UBA2: variants seen among roughly 807,000 people sequenced by gnomAD.
UBA2 encodes the protein SUMO-activating enzyme subunit 2.
In UBA2, 11 loss-of-function variants were observed where a neutral mutation model predicts 77.2. That is an observed-to-expected ratio of 0.14 (90% CI 0.09 to 0.24). The LOEUF is 0.24. UBA2 is among the 10% of genes least tolerant of loss of function. The probability of loss-of-function intolerance (pLI) is 1.00; values close to 1 mark genes in which losing one functional copy is unlikely to be tolerated. For missense variants in UBA2, 487 were observed against 781.7 expected, an observed-to-expected ratio of 0.62 and a Z score of 4.50; for synonymous variants, 278 against 276.7, an observed-to-expected ratio of 1.00 and a Z score of -0.05.
At chr19:34,438,540 C>T (rs1013476907) in intron 5 of UBA2, 105 bp from the exon 6 acceptor site, 22 of 1,388,696 alleles carry the variant, frequency 1.6e-5, no homozygotes, top group African/African-American at 5.8e-5. Context: ...TCCTTGACAA[C>T]GTAAAACGTA....
At chr19:34,429,332 T>C in intron 1 of UBA2, 2 of 830,522 alleles carry the variant, frequency 2.4e-6, no homozygotes, top group Non-Finnish European at 2.9e-6. Context: ...GCAAACTTTT[T>C]AGAGATTGGA....
chr19:34,440,594 C>T (rs973144099), intron 6 of UBA2, among the ~76,000 whole-genome samples: 9 of 152,274 alleles, frequency 5.9e-5, no homozygotes, highest in Non-Finnish European at 1.3e-4. Flanking sequence ...TAGTCAGTCT[C>T]ACACCTAAAT....
intron 10 of UBA2, among the ~76,000 whole-genome samples, chr19:34,452,474 G>A (rs2075512236): frequency 6.6e-6 from 1 of 152,174 alleles, no homozygotes; most frequent in Admixed American, 6.5e-5. Flanking sequence ...AAATCATTTG[G>A]AGAAAACATC....
At chr19:34,432,959 C>A (rs2145490682) in intron 3 of UBA2, among the ~76,000 whole-genome samples, 1 of 152,248 alleles carries the variant, frequency 6.6e-6, no homozygotes. Context: ...AAACAGAGAC[C>A]CTAGGGGCCT....
intron 4 of UBA2, 40 bp downstream of exon 4, chr19:34,433,452 T>C: frequency 1.6e-6 from 2 of 1,275,990 alleles, no homozygotes; most frequent in Non-Finnish European, 2.3e-6. Context: ...CAGTATTTCC[T>C]CTCTCCCATA....
intron 12 of UBA2, among the ~76,000 whole-genome samples, chr19:34,457,180 ATATATATATATATATATAT>A (rs1165638729): frequency 7.5e-5 from 3 of 39,968 alleles, no homozygotes; most frequent in African/African-American, 4.3e-4. Context: ...AAAAAAAAAA[ATATATATATATATATATAT>A]ATATATATAT....
rs2075507285 is a variant in UBA2, at chr19:34,452,108, A to G, written c.999A>G (p.Leu333=). ...GCATCGAGACTTTGAGAGTTCATTT[A>G]GCAGAAAAGGGGGATGGAGCTGAGC... The part of the protein sequence containing the change: ...SKSIETLRVH[L]AEKGDGAELI... Residue 333 remains leucine (L), a synonymous_variant, in exon 10 of 17, where the codon TTA becomes TTG. Coordinates refer to ENST00000246548, the MANE Select transcript of UBA2 (RefSeq NM_005499.3). 2 of 1,609,512 alleles carry G rather than the reference A, an allele frequency of 1.2e-6. No homozygotes were observed. The highest frequency in any genetic ancestry group is 1.7e-6 in the Non-Finnish European group (2 of 1,176,776).
At chr19:34,444,656 A>G (rs901325977) in intron 7 of UBA2, among the ~76,000 whole-genome samples, 6 of 152,130 alleles carry the variant, frequency 3.9e-5, no homozygotes, top group African/African-American at 1.4e-4. Context: ...AAAATATAAA[A>G]ATTAGCCAGG....
chr19:34,454,393 A>G lies in UBA2; in HGVS notation c.1132+40A>G, dbSNP rs772776689. On this transcript the variant is annotated intron_variant, in intron 11 of 16. Coordinates refer to ENST00000246548, the MANE Select transcript of UBA2 (RefSeq NM_005499.3). Reference sequence around the variant, plus strand: ...CTAAAGTTGTATCACTAAAACCTTGAAGTTGTTTTTTAAACAGTGAAACAT... The same window carrying G: ...CTAAAGTTGTATCACTAAAACCTTGGAGTTGTTTTTTAAACAGTGAAACAT... The G allele has an allele frequency of 1.2e-5, 19 of 1,587,262 alleles. No homozygotes were observed. In the African/African-American group the frequency reaches 2.6e-4, roughly 22 times the overall value.
chr19:34,454,161 CTA>C, intron 10 of UBA2, 97 bp from the exon 11 acceptor site: 1 of 1,088,448 alleles, frequency 9.2e-7, no homozygotes, highest in South Asian at 1.5e-5. Context: ...AGTCGAAAGT[CTA>C]TAGTATTATA....
rs990386717 is a variant in UBA2 at position 34,454,384 on chromosome 19, A to C, written c.1132+31A>C. ...TTATTTGTACTAAAGTTGTATCACT[A>C]AAACCTTGAAGTTGTTTTTTAAACA... is the stretch of plus-strand genomic sequence containing the variant. On this transcript the variant is annotated intron_variant, in intron 11 of 16. Transcript: ENST00000246548. 5 of 1,592,310 alleles carry C rather than the reference A, an allele frequency of 3.1e-6. No homozygotes were observed. In the East Asian group the frequency reaches 1.1e-4, roughly 36 times the overall value.
chr19:34,459,356 G>A lies in UBA2; in HGVS notation c.1401+432G>A, dbSNP rs573831538. The stretch of plus-strand genomic sequence containing the variant: ...CCCCAGTTACCAGCTTTGTATTAAA[G>A]GGTATAAGTAACTTGCAGAGTTTTG... On this transcript the variant is annotated intron_variant, in intron 13 of 16. Coordinates refer to ENST00000246548, the MANE Select transcript of UBA2 (RefSeq NM_005499.3). 6.6e-4 allele frequency among the ~76,000 whole-genome samples: 100 copies of A among 152,304 alleles called. 1 individual carries two copies. The highest frequency in any genetic ancestry group is 3.3e-3 in the South Asian group (16 of 4,826).
At chr19:34,438,818 G>T in intron 6 of UBA2, 52 bp downstream of exon 6, 2 of 1,601,178 alleles carry the variant, frequency 1.2e-6, no homozygotes, top group East Asian at 4.5e-5. Context: ...ATGGAAAATG[G>T]AGTCATTTTT....
chr19:34,468,884 CAG>C (rs1237051380), intron 16 of UBA2, among the ~76,000 whole-genome samples, 154 bp from the exon 17 acceptor site: 1 of 152,174 alleles, frequency 6.6e-6, no homozygotes, highest in African/African-American at 2.4e-5. Context: ...ACATTTAAAA[CAG>C]TATGGAAATA....
intron 2 of UBA2, 57 bp downstream of exon 2, chr19:34,430,716 C>T (rs1344028003): frequency 7.3e-6 from 10 of 1,361,082 alleles, no homozygotes; most frequent in Admixed American, 1.7e-5. Context: ...TTTGTGATAC[C>T]AGATTAATCC....
In UBA2 at chr19:34,469,065, A is replaced by G; in HGVS notation, c.1767A>G (p.Ile589Met). The G allele has an allele frequency of 6.2e-6, 10 of 1,608,064 alleles. No individual in the cohort carries two copies. Among genetic ancestry groups the G allele is most frequent in the Non-Finnish European group, 7.6e-6 (9 of 1,178,520 alleles). The change falls in exon 17 of 17, where the codon ATA becomes ATG. Residue 589 changes from isoleucine (I) to methionine (M), a missense_variant. Physicochemically the swap from Ile to Met is conservative, Grantham distance 10. Around this residue, in one of 9 missense-constraint regions of UBA2, gnomAD observed 40 missense variants for 36.6 expected, o/e 1.09. Transcript: ENST00000246548. ...CTCAAGAGCAAGATGACGTTCTCATAGTTGATTCAGATGAAGAAGATTCTT... is the reference window on the plus strand; with the variant it reads ...CTCAAGAGCAAGATGACGTTCTCATGGTTGATTCAGATGAAGAAGATTCTT... ...STAQEQDDVL[I>M]VDSDEEDSSN... is the part of the protein sequence containing the mutation.
intron 2 of UBA2, among the ~76,000 whole-genome samples, 153 bp downstream of exon 2, chr19:34,430,812 A>G (rs1045256402): frequency 1.3e-5 from 2 of 152,222 alleles, no homozygotes; most frequent in East Asian, 1.9e-4. Context: ...CAAGTAAAGG[A>G]CTAAAGATTA....
At chr19:34,440,787 A>G (rs1376237815) in intron 6 of UBA2, among the ~76,000 whole-genome samples, 1 of 151,926 alleles carries the variant, frequency 6.6e-6, no homozygotes, top group South Asian at 2.1e-4. Flanking sequence ...TTAGCCGGAC[A>G]TGGTGGTGGG....
intron 5 of UBA2, among the ~76,000 whole-genome samples, chr19:34,436,411 T>C (rs924123884): frequency 1.3e-5 from 2 of 152,122 alleles, no homozygotes; most frequent in Non-Finnish European, 2.9e-5. Context: ...GCGATTCTCC[T>C]GCCTCAGTCT....
Sources: gnomAD v4.1 joint callset for allele counts (sites outside exome capture counted in the v4.1 genomes callset) on GRCh38, gnomAD v4.1.1 for gene constraint, gnomAD v4.1.1 regional missense constraint, MANE v1.5 for transcripts, NCBI Gene and HGNC (gene_info 2026-07-23, HGNC 2026-07-21) for gene names.